EIF3I: variants seen among roughly 807,000 people sequenced by gnomAD.
EIF3I encodes eukaryotic translation initiation factor 3 subunit I, also known as TGF-beta receptor-interacting protein 1.
EIF3I carries 20 observed loss-of-function variants against 43.3 expected under a neutral mutation model. That is an observed-to-expected ratio of 0.46 (90% CI 0.32 to 0.67). The LOEUF is 0.67. Ranked by LOEUF, EIF3I falls within the 30% of genes least tolerant of loss-of-function variation. The pLI is 0.03. For missense variants in EIF3I, 279 were observed against 421.4 expected (o/e 0.66, Z 2.96); for synonymous variants, 167 against 151.7 (o/e 1.10, Z -0.74).
exon 12 of EIF3I, chr1:32,231,187 T>A: frequency 1.2e-6 from 2 of 1,614,002 alleles, no homozygotes; most frequent in Non-Finnish European, 1.7e-6. Flanking sequence ...AATTTGAGTT[T>A]GAGGCTTAAG....
exon 7 of EIF3I, chr1:32,228,535 C>A (rs879007490): frequency 1.2e-6 from 2 of 1,614,008 alleles, no homozygotes; most frequent in Non-Finnish European, 1.7e-6. Context: ...GGAGCACTCC[C>A]GGCAGATCAA....
downstream of EIF3I, among the ~76,000 whole-genome samples, chr1:32,233,585 C>T (rs908549232): frequency 1.3e-5 from 2 of 152,150 alleles, no homozygotes; most frequent in Admixed American, 6.6e-5. Flanking sequence ...CCACCGCGCC[C>T]GGCCAGATTA....
downstream of EIF3I, among the ~76,000 whole-genome samples, chr1:32,232,881 A>C (rs1309165440): frequency 6.6e-6 from 1 of 151,510 alleles, no homozygotes; most frequent in Non-Finnish European, 1.5e-5. Flanking sequence ...GGAAAGGTGA[A>C]CCCTCCCTCC....
At chr1:32,230,973 C>A in exon 11 of EIF3I, 2 of 1,601,132 alleles carry the variant, frequency 1.2e-6, no homozygotes, top group South Asian at 2.3e-5. Context: ...AGTCAAGGGT[C>A]ACTTTGGACC....
Position 32,222,435 on chromosome 1 carries a change from A to G in EIF3I, c.-7A>G, listed in dbSNP as rs1375838518. 3.8e-6 allele frequency: 6 copies of G among 1,598,578 alleles called. No homozygotes were observed. In the African/African-American group the frequency reaches 6.7e-5, roughly 18 times the overall value. On this transcript the variant is annotated 5_prime_UTR_variant, in exon 1 of 12. Coordinates refer to ENST00000676679, the Ensembl canonical transcript of EIF3I. The stretch of plus-strand genomic sequence containing the variant: ...CACGTTGCGGCCTTCCTCGCGTCAC[A>G]GCCGGGATGGTGAGTTTCAGAGTTA...
Position 32,224,039 on chromosome 1 carries a change from CA to C in EIF3I, c.104del (p.Asn35MetfsTer6). ...CTGTGGTTTGACTTTTCCAGATCGT[CA>C]ATGTATGGTACTCTGTGAATGGTGA... is the stretch of plus-strand genomic sequence containing the variant. On this transcript the variant is annotated frameshift_variant, in exon 3 of 12. Coordinates refer to ENST00000676679, the Ensembl canonical transcript of EIF3I. LOFTEE classifies it high-confidence loss of function. The C allele has an allele frequency of 6.2e-7, 1 of 1,614,172 alleles. No individual in the cohort carries two copies. The highest frequency in any genetic ancestry group is 8.5e-7 in the Non-Finnish European group (1 of 1,180,016).
At chr1:32,235,129 CT>C (rs1156496888), downstream of EIF3I, 5 of 152,832 alleles carry the variant, frequency 3.3e-5, no homozygotes, top group East Asian at 9.7e-4. Flanking sequence ...CGGTGGGAGT[CT>C]GGTCATCTTT....
rs1359968025 is a variant in EIF3I, at chr1:32,227,377, G to A, written c.528+847G>A. On this transcript the variant is annotated intron_variant, in intron 6 of 11. Coordinates refer to ENST00000676679, the Ensembl canonical transcript of EIF3I. Reference sequence around the variant, plus strand: ...CCACTTTCTAGCTGTGTGATCTTGGGCAATTTACATGACTTCTCTGACCCT... The same window carrying A: ...CCACTTTCTAGCTGTGTGATCTTGGACAATTTACATGACTTCTCTGACCCT... Among the ~76,000 whole-genome samples the A allele has an allele frequency of 5.9e-5, 9 of 152,036 alleles. No homozygotes were observed. The South Asian group carries it at 1.9e-3, about 32-fold the overall frequency.
chr1:32,224,013 C>G (rs762274528), intron 2 of EIF3I, 21 bp from the exon 3 acceptor site: 5 of 1,613,204 alleles, frequency 3.1e-6, no homozygotes, highest in Non-Finnish European at 4.2e-6. Context: ...TGTGTACTAT[C>G]CTGTGGTTTG....
intron 3 of EIF3I, 93 bp from the exon 4 acceptor site, chr1:32,224,317 C>A: frequency 8.3e-7 from 1 of 1,211,798 alleles, no homozygotes; most frequent in Non-Finnish European, 1.2e-6. Flanking sequence ...GGTAGAAAGG[C>A]TCTTTGGGGC....
downstream of EIF3I, among the ~76,000 whole-genome samples, chr1:32,233,268 C>G (rs1176731566): frequency 6.6e-6 from 1 of 152,206 alleles, no homozygotes; most frequent in Non-Finnish European, 1.5e-5. Context: ...GATTCTCCTG[C>G]CTCAGCCACC....
At chr1:32,226,035 A>G (rs1049718732) in intron 4 of EIF3I, 136 bp from the exon 5 acceptor site, 2 of 1,235,316 alleles carry the variant, frequency 1.6e-6, no homozygotes, top group South Asian at 1.6e-5. Flanking sequence ...AAGAAAAAAA[A>G]AAAGAAAAGT....
At position 32,228,553 on chromosome 1, in the gene EIF3I, C is replaced by CAGTT; in HGVS notation, c.585_588dup (p.Ser197ValfsTer21). On this transcript the variant is annotated frameshift_variant, in exon 7 of 12. Coordinates refer to ENST00000676679, the Ensembl canonical transcript of EIF3I. LOFTEE classifies it high-confidence loss of function. ...GCACTCCCGGCAGATCAACGACATC[C>CAGTT]AGTTATCCAGGGACATGACCATGTT... 1 of 1,614,170 alleles carries CAGTT rather than the reference C, an allele frequency of 6.2e-7. No homozygotes were observed. The highest frequency in any genetic ancestry group is 8.5e-7 in the Non-Finnish European group (1 of 1,180,032).
downstream of EIF3I, chr1:32,231,470 C>A (rs1137947): frequency 0.11 from 30,192 of 267,904 alleles, 2,982 homozygotes; most frequent in African/African-American, 0.28. Context: ...CATCCTGAGC[C>A]ACAAGAGCAA....
At chr1:32,228,907 G>A in intron 8 of EIF3I, 91 bp downstream of exon 8, 1 of 1,195,340 alleles carries the variant, frequency 8.4e-7, no homozygotes, top group Non-Finnish European at 1.2e-6. Flanking sequence ...AACATTGTGG[G>A]GGAAATGATG....
rs1316346446 is a variant in EIF3I, at chr1:32,229,125, T to G, written c.730-10T>G. On this transcript the variant is annotated splice_polypyrimidine_tract_variant and intron_variant, in intron 8 of 11. Coordinates refer to ENST00000676679, the Ensembl canonical transcript of EIF3I. Reference sequence around the variant, plus strand: ...CATTGGTCCCATCTAGAGTTTCTTCTTCCATTCAGGTGGTCCTGGGCGGTG... The same window carrying G: ...CATTGGTCCCATCTAGAGTTTCTTCGTCCATTCAGGTGGTCCTGGGCGGTG... The G allele has an allele frequency of 6.2e-7, 1 of 1,609,602 alleles. No individual in the cohort carries two copies. Among genetic ancestry groups the G allele is most frequent in the African/African-American group, 1.3e-5 (1 of 74,536 alleles).
At position 32,224,131 on chromosome 1, in the gene EIF3I, T is replaced by C. The variant is rs761967008; in HGVS notation, c.184+10T>C. On this transcript the variant is annotated intron_variant, in intron 3 of 11. Coordinates refer to ENST00000676679, the Ensembl canonical transcript of EIF3I. ...TGTGTGGACGCTGACTGTATCCTTATTTTGGGTCTGAGTCCGTGTTGCTAG... is the reference window on the plus strand; with the variant it reads ...TGTGTGGACGCTGACTGTATCCTTACTTTGGGTCTGAGTCCGTGTTGCTAG... The C allele has an allele frequency of 2.5e-6, 4 of 1,613,916 alleles. No individual in the cohort carries two copies. The South Asian group carries it at 4.4e-5, about 18-fold the overall frequency.
intron 4 of EIF3I, among the ~76,000 whole-genome samples, 185 bp downstream of exon 4, chr1:32,224,660 T>TTC (rs1553148827): frequency 6.9e-6 from 1 of 145,688 alleles, no homozygotes; most frequent in African/African-American, 2.6e-5. Flanking sequence ...TAAGTTTTCT[T>TTC]TTTTTTTTTT....
downstream of EIF3I, chr1:32,234,560 C>CA (rs1184997164): frequency 2.8e-4 from 43 of 152,894 alleles, no homozygotes; most frequent in Admixed American, 2.8e-3. Context: ...GTGGGTGCCT[C>CA]ATGCTTGGGG....
Sources: gnomAD v4.1 joint callset for allele counts (sites outside exome capture counted in the v4.1 genomes callset) on GRCh38, gnomAD v4.1.1 for gene constraint, MANE v1.5 for transcripts, NCBI Gene and HGNC (gene_info 2026-07-23, HGNC 2026-07-21) for gene names.